Variants in SHANK2 observed in about 807,000 individuals in gnomAD.
SHANK2 encodes SH3 and multiple ankyrin repeat domains protein 2.
A neutral mutation model predicts 133.7 loss-of-function variants in SHANK2; 43 were observed. That is an observed-to-expected ratio of 0.32 (90% CI 0.25 to 0.41). The LOEUF (loss-of-function observed/expected upper bound fraction) is 0.41. SHANK2 is among the 10% of genes least tolerant of loss of function. The pLI is 1.00. For missense variants in SHANK2, 1,994 were observed against 2,235.8 expected, an observed-to-expected ratio of 0.89 and a Z score of 2.18; for synonymous variants, 1,017 against 952.8, an observed-to-expected ratio of 1.07 and a Z score of -1.24.
At chr11:70,948,350 C>T (rs1555085861) in intron 10 of SHANK2, 1 of 457,240 alleles carries the variant, frequency 2.2e-6, no homozygotes, top group Non-Finnish European at 4.4e-6. Context: ...CTGATGTGTC[C>T]CCAGCACCTA....
chr11:71,148,401 A>G (rs1351867533), intron 2 of SHANK2, among the ~76,000 whole-genome samples: 1 of 152,184 alleles, frequency 6.6e-6, no homozygotes, highest in Non-Finnish European at 1.5e-5. Context: ...GGCTCTTAAG[A>G]AGGACACAGA....
In SHANK2 at chr11:70,662,045, C is replaced by T. The variant is rs542002047; in HGVS notation, c.1854-367G>A. 1,650 of 503,752 alleles carry T rather than the reference C, an allele frequency of 3.3e-3. 4 individuals are homozygous for T. The highest frequency in any genetic ancestry group is 4.8e-3 in the Non-Finnish European group (1,313 of 275,906). 31.2% of individuals were successfully genotyped at this position (503,752 alleles called of 1,614,324 possible). A position where few individuals can be genotyped will look rare whatever the true frequency, so the allele number is the denominator to read the frequency against. Reference sequence around the variant, plus strand: ...AGAAAGTAAGTGGCCCGAACGGCGGCGGCGGCAGCGGCGGCCTCAGCAGCG... The same window carrying T: ...AGAAAGTAAGTGGCCCGAACGGCGGTGGCGGCAGCGGCGGCCTCAGCAGCG... On this transcript the variant is annotated intron_variant, in intron 15 of 25. Transcript: ENST00000601538.
chr11:71,248,513 TTCTGA>T (rs1451455618), intron 1 of SHANK2, among the ~76,000 whole-genome samples: 2 of 152,208 alleles, frequency 1.3e-5, no homozygotes, highest in African/African-American at 4.8e-5. Flanking sequence ...AGCTTCAAGC[TTCTGA>T]TCTGTGAAAT....
chr11:70,941,768 A>G (rs1320748880), intron 10 of SHANK2, among the ~76,000 whole-genome samples: 3 of 152,170 alleles, frequency 2.0e-5, no homozygotes, highest in Non-Finnish European at 4.4e-5. Flanking sequence ...GTGAGTGATA[A>G]ATGTCTGTTG....
intron 17 of SHANK2, among the ~76,000 whole-genome samples, chr11:70,508,506 A>G (rs1403926340): frequency 6.6e-6 from 1 of 152,220 alleles, no homozygotes; most frequent in Non-Finnish European, 1.5e-5. Flanking sequence ...AATCCCTAGT[A>G]TCTCAAAATA....
intron 11 of SHANK2, among the ~76,000 whole-genome samples, chr11:70,867,525 G>A (rs1171683225): frequency 6.6e-6 from 1 of 152,246 alleles, no homozygotes; most frequent in African/African-American, 2.4e-5. Context: ...GCCTGAGCCA[G>A]GGATGCCTTC....
chr11:70,542,620 A>G (rs1232007023), intron 17 of SHANK2, among the ~76,000 whole-genome samples: 3 of 152,098 alleles, frequency 2.0e-5, no homozygotes, highest in African/African-American at 7.2e-5. Flanking sequence ...GACTCTCTCC[A>G]ACACCTCCAC....
intron 17 of SHANK2, among the ~76,000 whole-genome samples, chr11:70,625,916 G>A (rs1368017037): frequency 2.0e-5 from 3 of 151,048 alleles, no homozygotes; most frequent in Admixed American, 6.6e-5. Flanking sequence ...TTCACCCCAT[G>A]GCAACCACCA....
intron 17 of SHANK2, among the ~76,000 whole-genome samples, chr11:70,636,224 T>C (rs1347025379): frequency 6.6e-6 from 1 of 152,220 alleles, no homozygotes; most frequent in Non-Finnish European, 1.5e-5. Context: ...CGTGTGTGTG[T>C]GTGAATGTGA....
At chr11:71,181,193 G>T (rs1273710630) in intron 2 of SHANK2, among the ~76,000 whole-genome samples, 2 of 151,994 alleles carry the variant, frequency 1.3e-5, no homozygotes, top group African/African-American at 2.4e-5. Flanking sequence ...GGTTCCTCCC[G>T]CTGAGCTGAA....
intron 12 of SHANK2, among the ~76,000 whole-genome samples, chr11:70,810,364 A>G (rs904512937): frequency 1.3e-5 from 2 of 152,160 alleles, no homozygotes; most frequent in African/African-American, 2.4e-5. Flanking sequence ...CAGGACCGAG[A>G]GCTGGGAGGG....
chr11:70,733,202 G>T (rs1555032690), intron 14 of SHANK2, among the ~76,000 whole-genome samples: 1 of 152,176 alleles, frequency 6.6e-6, no homozygotes, highest in African/African-American at 2.4e-5. Flanking sequence ...GCTGGGTTTT[G>T]CAGGATGAGT....
intron 1 of SHANK2, among the ~76,000 whole-genome samples, chr11:71,234,693 C>A (rs3020023): frequency 6.6e-6 from 1 of 151,912 alleles, no homozygotes; most frequent in Non-Finnish European, 1.5e-5. Context: ...CCCTTCCATG[C>A]CTTCCCCACT....
chr11:70,748,574 C>T (rs1439800655), intron 14 of SHANK2, among the ~76,000 whole-genome samples: 1 of 152,210 alleles, frequency 6.6e-6, no homozygotes, highest in Admixed American at 6.5e-5. Context: ...TCAGATCCAA[C>T]AGTCCACCTT....
intron 14 of SHANK2, among the ~76,000 whole-genome samples, chr11:70,758,395 C>T (rs1022669544): frequency 3.9e-5 from 6 of 152,220 alleles, no homozygotes; most frequent in Admixed American, 1.3e-4. Flanking sequence ...TCCACCCCTC[C>T]GGATCTGGCA....
intron 14 of SHANK2, among the ~76,000 whole-genome samples, chr11:70,798,109 T>C (rs1354220896): frequency 6.6e-6 from 1 of 152,174 alleles, no homozygotes; most frequent in East Asian, 1.9e-4. Flanking sequence ...GCCTGTTTTA[T>C]GCCATCGATA....
intron 12 of SHANK2, among the ~76,000 whole-genome samples, chr11:70,819,706 T>C (rs1472161959): frequency 6.6e-6 from 1 of 152,024 alleles, no homozygotes; most frequent in Non-Finnish European, 1.5e-5. Context: ...AGGCACAGGC[T>C]CCTGTCACCT....
chr11:71,116,945 G>A (rs79588286), intron 4 of SHANK2, among the ~76,000 whole-genome samples: 58 of 152,258 alleles, frequency 3.8e-4, no homozygotes, highest in African/African-American at 1.3e-3. Flanking sequence ...AGCCCATGCC[G>A]GCACCACACT....
chr11:70,648,110 G>A (rs1217634086), intron 17 of SHANK2, among the ~76,000 whole-genome samples: 9 of 152,188 alleles, frequency 5.9e-5, no homozygotes, highest in East Asian at 1.9e-4. Flanking sequence ...GCTACCATAC[G>A]GATGAACCTA....
Sources: allele counts gnomAD v4.1 joint callset (sites outside exome capture counted in the v4.1 genomes callset), GRCh38; gene constraint gnomAD v4.1.1; transcripts MANE v1.5; gene names NCBI Gene and HGNC (gene_info 2026-07-23, HGNC 2026-07-21).